The following SCTR variants were observed in gnomAD, a reference collection of about 807,000 sequenced individuals.
SCTR encodes the protein secretin receptor, also known as pancreatic secretin receptor.
Under a neutral mutation model 60.8 loss-of-function variants are expected in SCTR, and 56 were observed. The ratio of observed to expected loss-of-function variants is 0.92; its 90% CI spans 0.74 to 1.15. The LOEUF (loss-of-function observed/expected upper bound fraction) is 1.15. SCTR is among the 50% of genes most tolerant of loss of function. SCTR has a pLI of 0.00. For synonymous variants in SCTR, 202 were observed against 217.0 expected, an observed-to-expected ratio of 0.93 and a Z score of 0.61; for missense variants, 562 against 550.4, an observed-to-expected ratio of 1.02 and a Z score of -0.21.
intron 1 of SCTR, among the ~76,000 whole-genome samples, chr2:119,514,062 C>G (rs1172196489): frequency 6.6e-6 from 1 of 152,212 alleles, no homozygotes; most frequent in Admixed American, 6.5e-5. Flanking sequence ...AACACATAGT[C>G]GTGGTTGGTC....
At chr2:119,446,578 T>A (rs1682936422) in intron 11 of SCTR, among the ~76,000 whole-genome samples, 181 bp downstream of exon 11, 1 of 152,142 alleles carries the variant, frequency 6.6e-6, no homozygotes, top group African/African-American at 2.4e-5. Context: ...CCACCCCCAT[T>A]TGACTGGTGG....
At chr2:119,515,774 AG>A (rs1679093479) in intron 1 of SCTR, among the ~76,000 whole-genome samples, 1 of 152,148 alleles carries the variant, frequency 6.6e-6, no homozygotes, top group Non-Finnish European at 1.5e-5. Context: ...CGTTGGCCTG[AG>A]CCATGTTGCT....
At chr2:119,458,738 T>C (rs1683480341) in intron 7 of SCTR, among the ~76,000 whole-genome samples, 1 of 152,230 alleles carries the variant, frequency 6.6e-6, no homozygotes, top group East Asian at 1.9e-4. Flanking sequence ...ATGGTTTAAG[T>C]TGGTGGCTCA....
chr2:119,490,985 A>C (rs1447767922), intron 2 of SCTR, among the ~76,000 whole-genome samples: 1 of 152,148 alleles, frequency 6.6e-6, no homozygotes, highest in South Asian at 2.1e-4. Flanking sequence ...AAGTGCCCAC[A>C]GTGATGATGC....
intron 8 of SCTR, among the ~76,000 whole-genome samples, chr2:119,452,723 G>C (rs1165168696): frequency 6.6e-6 from 1 of 152,134 alleles, no homozygotes; most frequent in African/African-American, 2.4e-5. Flanking sequence ...TGGCCTGGTT[G>C]TGTCATTATG....
At chr2:119,444,152 T>G in intron 11 of SCTR, among the ~76,000 whole-genome samples, 1 of 133,300 alleles carries the variant, frequency 7.5e-6, no homozygotes, top group East Asian at 2.0e-4. Flanking sequence ...TACATATTCT[T>G]ATATATATAT....
rs145223381 is a variant in SCTR, at chr2:119,463,424, T to C, written c.636+699A>G. ...GGTTGCAGCAGTCATATTGCAACCA[T>C]GTGGTATAAAGCATGACATCAAAGG... On this transcript the variant is annotated intron_variant, in intron 6 of 12. Coordinates refer to ENST00000019103, the MANE Select transcript of SCTR (RefSeq NM_002980.3). Among the ~76,000 whole-genome samples, 511 of 152,234 alleles carry C rather than the reference T, an allele frequency of 3.4e-3. 2 individuals carry two copies. Among genetic ancestry groups the C allele is most frequent in the South Asian group, 9.4e-3 (45 of 4,812 alleles).
intron 11 of SCTR, among the ~76,000 whole-genome samples, chr2:119,442,581 A>C (rs1164992397): frequency 6.6e-6 from 1 of 152,214 alleles, no homozygotes; most frequent in Non-Finnish European, 1.5e-5. Context: ...TCTCAGGGAT[A>C]TTGGCATTTT....
At chr2:119,462,570 ACT>A (rs1350197086) in intron 6 of SCTR, among the ~76,000 whole-genome samples, 2 of 151,920 alleles carry the variant, frequency 1.3e-5, no homozygotes, top group Non-Finnish European at 2.9e-5. Context: ...GCAGTGACTG[ACT>A]CTTTTAACAG....
intron 1 of SCTR, among the ~76,000 whole-genome samples, chr2:119,502,649 A>C (rs1450681843): frequency 6.6e-6 from 1 of 152,134 alleles, no homozygotes; most frequent in Non-Finnish European, 1.5e-5. Context: ...TCAATGGATA[A>C]ACAGATCATA....
intron 11 of SCTR, among the ~76,000 whole-genome samples, chr2:119,445,062 A>C (rs775734690): frequency 1.3e-5 from 2 of 151,572 alleles, no homozygotes; most frequent in African/African-American, 2.4e-5. Context: ...TGAGAACATC[A>C]GGAAAGTGCT....
chr2:119,445,982 A>G (rs1682910771), intron 11 of SCTR, among the ~76,000 whole-genome samples: 1 of 152,250 alleles, frequency 6.6e-6, no homozygotes, highest in South Asian at 2.1e-4. Context: ...TTTGGAAGGA[A>G]ATAGCTATGA....
chr2:119,511,212 CA>C (rs544266795), intron 1 of SCTR, among the ~76,000 whole-genome samples: 2,156 of 140,090 alleles, frequency 0.015, 22 homozygotes, highest in Middle Eastern at 0.023. Context: ...ATCTCCGTCT[CA>C]AAAAAAAAAA....
chr2:119,447,536 G>T (rs986916011), intron 10 of SCTR, among the ~76,000 whole-genome samples: 1 of 152,148 alleles, frequency 6.6e-6, no homozygotes, highest in African/African-American at 2.4e-5. Flanking sequence ...CATGGAGAAG[G>T]TCTCTGGGGG....
At position 119,446,852 on chromosome 2, in the gene SCTR, G is replaced by T; in HGVS notation, c.1047C>A (p.Pro349=). 1 of 1,577,018 alleles carries T rather than the reference G, an allele frequency of 6.3e-7. No homozygotes were observed. Among genetic ancestry groups the T allele is most frequent in the Non-Finnish European group, 8.6e-7 (1 of 1,160,728 alleles). ...AGACGATGTAGTGGATGCCAAAGAG[G>T]GGGATCAGCAGGAGAGTGGACCTGG... ...RLARSTLLLI[P]LFGIHYIVFA... is the part of the protein sequence containing the mutation. Residue 349 remains proline, a synonymous_variant, in exon 11 of 13, where the codon CCC becomes CCA. Coordinates refer to ENST00000019103, the MANE Select transcript of SCTR (RefSeq NM_002980.3).
chr2:119,475,808 C>T (rs898328508), intron 3 of SCTR, among the ~76,000 whole-genome samples: 23 of 151,350 alleles, frequency 1.5e-4, no homozygotes, highest in African/African-American at 5.3e-4. Context: ...CAGAAGGCTC[C>T]GGGACCCTAA....
intron 3 of SCTR, among the ~76,000 whole-genome samples, chr2:119,477,240 G>A (rs990703563): frequency 6.6e-6 from 1 of 152,148 alleles, no homozygotes; most frequent in Non-Finnish European, 1.5e-5. Flanking sequence ...CTAGCCGAGG[G>A]AATGTGGGCA....
At chr2:119,490,283 A>G (rs899252993) in intron 2 of SCTR, among the ~76,000 whole-genome samples, 6 of 152,208 alleles carry the variant, frequency 3.9e-5, no homozygotes, top group African/African-American at 7.2e-5. Context: ...GGCCGAGTGC[A>G]TGGGCTAAAG....
intron 4 of SCTR, among the ~76,000 whole-genome samples, chr2:119,470,753 C>T (rs937493521): frequency 3.3e-5 from 5 of 152,134 alleles, no homozygotes; most frequent in Admixed American, 6.5e-5. Flanking sequence ...CAGGCTGGAG[C>T]GCAGTGGCGA....
Sources: allele counts gnomAD v4.1 joint callset (sites outside exome capture counted in the v4.1 genomes callset), GRCh38; gene constraint gnomAD v4.1.1; transcripts MANE v1.5; gene names NCBI Gene and HGNC (gene_info 2026-07-23, HGNC 2026-07-21).